Variants in P4HB observed in about 807,000 individuals in gnomAD.
P4HB encodes the protein prolyl 4-hydroxylase subunit beta.
In P4HB, 20 loss-of-function variants were observed where a neutral mutation model predicts 52.6. The observed-to-expected ratio is 0.38, with a 90% confidence interval of 0.27 to 0.55. The LOEUF (loss-of-function observed/expected upper bound fraction) is 0.55. Ranked by LOEUF, P4HB falls within the 20% of genes least tolerant of loss-of-function variation. P4HB has a pLI of 0.74. For synonymous variants in P4HB, 296 were observed against 277.9 expected, an observed-to-expected ratio of 1.07 and a Z score of -0.65; for missense variants, 601 against 669.2, an observed-to-expected ratio of 0.90 and a Z score of 1.12.
At chr17:81,856,849 T>C (rs972512559) in intron 2 of P4HB, among the ~76,000 whole-genome samples, 4 of 151,086 alleles carry the variant, frequency 2.6e-5, no homozygotes, top group Non-Finnish European at 5.9e-5. Flanking sequence ...GGGGTTTCAC[T>C]GTGTTGGCCA....
chr17:81,849,372 T>C (rs1428624392), intron 4 of P4HB, among the ~76,000 whole-genome samples: 1 of 151,986 alleles, frequency 6.6e-6, no homozygotes, highest in Non-Finnish European at 1.5e-5. Flanking sequence ...GGCGGGTGCC[T>C]GTAATCCCAA....
intron 4 of P4HB, among the ~76,000 whole-genome samples, chr17:81,848,802 T>C (rs1414965443): frequency 3.4e-5 from 5 of 148,036 alleles, no homozygotes; most frequent in Non-Finnish European, 4.4e-5. Flanking sequence ...CCTAGCAGTT[T>C]GGGAGGCTGA....
intron 4 of P4HB, among the ~76,000 whole-genome samples, chr17:81,854,301 G>A (rs1308627595): frequency 6.6e-6 from 1 of 152,072 alleles, no homozygotes; most frequent in Non-Finnish European, 1.5e-5. Context: ...CATTTTGGGA[G>A]GCTGAGGCAG....
chr17:81,853,499 G>A (rs1258134625), intron 4 of P4HB, among the ~76,000 whole-genome samples: 1 of 146,062 alleles, frequency 6.8e-6, no homozygotes, highest in Non-Finnish European at 1.5e-5. Flanking sequence ...GCGTGAACCC[G>A]TGAGGCGGAG....
chr17:81,859,506 C>G, intron 1 of P4HB, 119 bp from the exon 2 acceptor site: 5 of 829,014 alleles, frequency 6.0e-6, no homozygotes, highest in East Asian at 2.5e-5. Context: ...ATCTACTCAC[C>G]AAGATAACCC....
intron 4 of P4HB, among the ~76,000 whole-genome samples, chr17:81,852,941 C>CT (rs1464844732): frequency 6.6e-6 from 1 of 152,252 alleles, no homozygotes; most frequent in East Asian, 1.9e-4. Context: ...GGAACTTTCT[C>CT]TTTAATAAAA....
At chr17:81,845,115 G>A (rs1222332130) in intron 10 of P4HB, 29 bp downstream of exon 10, 2 of 1,543,688 alleles carry the variant, frequency 1.3e-6, no homozygotes, top group Admixed American at 3.4e-5. Context: ...GAATCCCAGA[G>A]ACCAGCCCAG....
chr17:81,851,274 C>T (rs2038826916), intron 4 of P4HB, among the ~76,000 whole-genome samples: 1 of 152,222 alleles, frequency 6.6e-6, no homozygotes, highest in South Asian at 2.1e-4. Context: ...AATCACGCAT[C>T]CTTTCTTACT....
chr17:81,843,640 T>A lies in P4HB; in HGVS notation c.*372A>T. 4.3e-6 allele frequency: 2 copies of A among 464,248 alleles called. No homozygotes were observed. Among genetic ancestry groups the A allele is most frequent in the Non-Finnish European group, 3.8e-6 (1 of 264,174 alleles). The allele number at this position is 464,248 out of a possible 1,614,324, so 28.8% of individuals were successfully genotyped here. On this transcript the variant is annotated 3_prime_UTR_variant, in exon 11 of 11. Coordinates refer to ENST00000331483, the MANE Select transcript of P4HB (RefSeq NM_000918.4). ...ACAAATACCCTGATGTCGAAAAATG[T>A]CTAAAAATCCCACAGACGGAATTTT...
Position 81,847,006 on chromosome 17 carries a change from A to T in P4HB, c.796T>A (p.Ser266Thr). 1 of 1,614,082 alleles carries T rather than the reference A, an allele frequency of 6.2e-7. No homozygotes were observed. Among genetic ancestry groups the T allele is most frequent in the Non-Finnish European group, 8.5e-7 (1 of 1,180,018 alleles). The stretch of plus-strand genomic sequence containing the variant: ...TTGCTCAGTTTGCCGTCATAGTCAG[A>T]CACACTCTTGGGCAAGAACAGCAGG... ...HILLFLPKSV[S>T]DYDGKLSNFK... is the part of the protein sequence containing the mutation. The change falls in exon 6 of 11, where the codon TCT becomes ACT. Residue 266 changes from serine to threonine, a missense_variant. By Grantham distance (58) the Ser-to-Thr change is moderately conservative. Coordinates refer to ENST00000331483, the MANE Select transcript of P4HB (RefSeq NM_000918.4).
chr17:81,844,434 C>T (rs1361269270), intron 10 of P4HB, among the ~76,000 whole-genome samples: 2 of 152,184 alleles, frequency 1.3e-5, no homozygotes, highest in Non-Finnish European at 2.9e-5. Context: ...GTCCACATCT[C>T]GGCAGGGACA....
In P4HB at chr17:81,845,562, G is replaced by A. The variant is rs201024339; in HGVS notation, c.1358C>T (p.Thr453Met). The A allele has an allele frequency of 7.6e-5, 121 of 1,596,726 alleles. 1 individual carries two copies. In the Admixed American group the frequency reaches 9.3e-4, roughly 12 times the overall value. ...GCCCCGTCTGGAGGGAAGGCGCACCGTCCTGTCGGCACTGGCAGGAAAGAA... is the reference window on the plus strand; with the variant it reads ...GCCCCGTCTGGAGGGAAGGCGCACCATCCTGTCGGCACTGGCAGGAAAGAA... ...LKFFPASADR[T>M]VIDYNGERTL... The change falls in exon 9 of 11, where the codon ACG becomes ATG. Residue 453 changes from threonine to methionine, a missense_variant and splice_region_variant. Coordinates refer to ENST00000331483, the MANE Select transcript of P4HB (RefSeq NM_000918.4).
In P4HB at chr17:81,846,826, T is replaced by C; in HGVS notation, c.855+121A>G. Reference sequence around the variant, plus strand: ...CCCCTCGCCTACATCCAGGCTGTCCTGAATCAGGTGCCCGATCCAGTCCAG... The same window carrying C: ...CCCCTCGCCTACATCCAGGCTGTCCCGAATCAGGTGCCCGATCCAGTCCAG... On this transcript the variant is annotated intron_variant, in intron 6 of 10. Coordinates refer to ENST00000331483, the MANE Select transcript of P4HB (RefSeq NM_000918.4). The surrounding 1 kb of genome is among the most constrained non-coding windows in gnomAD (Gnocchi z 5.7). The C allele has an allele frequency of 7.3e-7, 1 of 1,361,144 alleles. No homozygotes were observed. The highest frequency in any genetic ancestry group is 1.3e-5 in the South Asian group (1 of 78,414). 84.3% of individuals were successfully genotyped at this position (1,361,144 alleles called of 1,614,324 possible). A position where few individuals can be genotyped will look rare whatever the true frequency, so the allele number is the denominator to read the frequency against.
intron 10 of P4HB, among the ~76,000 whole-genome samples, chr17:81,844,526 C>G (rs994049835): frequency 2.0e-5 from 3 of 152,168 alleles, no homozygotes; most frequent in African/African-American, 4.8e-5. Flanking sequence ...TGGCCAATGA[C>G]AGGCCACAGG....
chr17:81,843,237 CG>C lies in P4HB; in HGVS notation c.*774del. ...ATAGAAATGCCTGAAGAACTGTCAG[CG>C]TCTGATTCAGCTCCAGCATCCTTGG... On this transcript the variant is annotated 3_prime_UTR_variant, in exon 11 of 11. Coordinates refer to ENST00000331483, the MANE Select transcript of P4HB (RefSeq NM_000918.4). The C allele has an allele frequency of 2.7e-6, 1 of 370,672 alleles. No individual in the cohort carries two copies. Among genetic ancestry groups the C allele is most frequent in the Non-Finnish European group, 4.8e-6 (1 of 208,752 alleles). The allele number at this position is 370,672 out of a possible 1,614,324, so 23.0% of individuals were successfully genotyped here.
At chr17:81,845,351 C>T in intron 9 of P4HB, 121 bp from the exon 10 acceptor site, 1 of 929,822 alleles carries the variant, frequency 1.1e-6, no homozygotes, top group Non-Finnish European at 1.7e-6. Flanking sequence ...CACCCGGAAT[C>T]CAGCACATTG....
intron 9 of P4HB, 146 bp from the exon 10 acceptor site, chr17:81,845,376 G>C (rs1288323814): frequency 1.2e-6 from 1 of 863,628 alleles, no homozygotes; most frequent in Non-Finnish European, 1.8e-6. Context: ...TTCAAAAACA[G>C]CCTAGGCAAT....
At position 81,859,262 on chromosome 17, in the gene P4HB, C is replaced by T; in HGVS notation, c.271G>A (p.Ala91Thr). 6.2e-7 allele frequency: 1 copy of T among 1,614,036 alleles called. No individual in the cohort carries two copies. Among genetic ancestry groups the T allele is most frequent in the East Asian group, 2.2e-5 (1 of 44,886 alleles). ...KVDATEESDL[A>T]QQYGVRGYPT... ...TAGCCGCGCACGCCGTACTGCTGGG[C>T]CAGGTCAGACTCCTCCGTGGCGTCC... The change falls in exon 2 of 11, where the codon GCC becomes ACC. Residue 91 changes from alanine to threonine, a missense_variant. Ala to Thr is a moderately conservative substitution (Grantham distance 58, BLOSUM62 0). Transcript: ENST00000331483.
chr17:81,858,618 G>A (rs1368583434), intron 2 of P4HB, among the ~76,000 whole-genome samples: 3 of 152,204 alleles, frequency 2.0e-5, no homozygotes, highest in Non-Finnish European at 4.4e-5. Flanking sequence ...CAGACGAGCA[G>A]CTGAGGGCCC....
Sources: allele counts gnomAD v4.1 joint callset (sites outside exome capture counted in the v4.1 genomes callset), GRCh38; gene constraint gnomAD v4.1.1; non-coding constraint Gnocchi (gnomAD v3.1); transcripts MANE v1.5; gene names NCBI Gene and HGNC (gene_info 2026-07-23, HGNC 2026-07-21).